Variants in ANKS1B observed in about 807,000 individuals in gnomAD.
ANKS1B encodes the protein ankyrin repeat and sterile alpha motif domain containing 1B, also known as ankyrin repeat and sterile alpha motif domain-containing protein 1B.
A neutral mutation model predicts 148.3 loss-of-function variants in ANKS1B; 36 were observed. The observed-to-expected ratio is 0.24, with a 90% CI of 0.19 to 0.32. The LOEUF is 0.32. Among genes scored for constraint, ANKS1B ranks in the 10% least tolerant of loss-of-function variants. The pLI is 1.00. For synonymous variants in ANKS1B, 542 were observed against 560.8 expected, an observed-to-expected ratio of 0.97 and a Z score of 0.47; for missense variants, 1,157 against 1,542.6, an observed-to-expected ratio of 0.75 and a Z score of 4.19.
chr12:98,898,627 T>C (rs1031515612), intron 17 of ANKS1B, among the ~76,000 whole-genome samples: 5 of 152,200 alleles, frequency 3.3e-5, no homozygotes, highest in African/African-American at 1.2e-4. Flanking sequence ...AGAATCATTC[T>C]TTCTTCAGTA....
At chr12:99,065,750 A>G (rs2044071636) in intron 16 of ANKS1B, among the ~76,000 whole-genome samples, 1 of 152,196 alleles carries the variant, frequency 6.6e-6, no homozygotes, top group Middle Eastern at 3.2e-3. Flanking sequence ...CTATATTCTA[A>G]GCACTGTTCT....
chr12:99,728,735 T>C (rs760282139), intron 8 of ANKS1B, among the ~76,000 whole-genome samples: 4 of 152,148 alleles, frequency 2.6e-5, no homozygotes, highest in South Asian at 2.1e-4. Context: ...CCATCAATGA[T>C]AGACTGGATA....
At chr12:99,418,928 C>T (rs190736408) in intron 11 of ANKS1B, among the ~76,000 whole-genome samples, 10 of 152,206 alleles carry the variant, frequency 6.6e-5, no homozygotes, top group Admixed American at 5.2e-4. Context: ...TGTGGATTTT[C>T]TTCTTTATTG....
chr12:98,986,504 C>G (rs965527839), intron 17 of ANKS1B, among the ~76,000 whole-genome samples: 1 of 152,084 alleles, frequency 6.6e-6, no homozygotes, highest in Non-Finnish European at 1.5e-5. Context: ...AATTCTTCAT[C>G]TCTGATATAT....
At position 99,960,174 on chromosome 12, in the gene ANKS1B, G is replaced by T. The variant is rs116661916; in HGVS notation, c.134+23930C>A. On this transcript the variant is annotated intron_variant, in intron 1 of 26. Transcript: ENST00000683438. ...GTATGTTTAGAAATAATGTTTCAAA[G>T]ACGTAGATTAAAACCACAAGTTCAT... Among the ~76,000 whole-genome samples, 965 of 152,294 alleles carry T rather than the reference G, an allele frequency of 6.3e-3. 10 individuals are homozygous for T. Among genetic ancestry groups the T allele is most frequent in the African/African-American group, 0.022 (924 of 41,562 alleles).
chr12:98,835,263 C>T (rs1004020635), intron 17 of ANKS1B, among the ~76,000 whole-genome samples: 2 of 151,918 alleles, frequency 1.3e-5, no homozygotes, highest in Non-Finnish European at 2.9e-5. Flanking sequence ...GGTTTTCTCA[C>T]ATATAAAGTG....
In ANKS1B at chr12:99,077,724, T is replaced by C. The variant is rs76999722; in HGVS notation, c.2625+7201A>G. ...GAGAATGACTCTGTTCTCTTGAAGA[T>C]GCTAGTTCTTTCAAGGTCCTTAAAA... On this transcript the variant is annotated intron_variant, in intron 16 of 26. Coordinates refer to ENST00000683438, the MANE Select transcript of ANKS1B (RefSeq NM_001352186.2). Among the ~76,000 whole-genome samples the C allele has an allele frequency of 4.1e-3, 620 of 152,318 alleles. 25 individuals are homozygous for C. The East Asian group carries it at 0.085, about 21-fold the overall frequency.
intron 15 of ANKS1B, among the ~76,000 whole-genome samples, chr12:99,147,897 A>G (rs2073699861): frequency 1.3e-5 from 2 of 152,028 alleles, no homozygotes; most frequent in Admixed American, 1.3e-4. Context: ...AAAGAGAGCT[A>G]AGAGAAGAAA....
chr12:98,863,282 A>T (rs1314847349), intron 17 of ANKS1B, among the ~76,000 whole-genome samples: 1 of 152,206 alleles, frequency 6.6e-6, no homozygotes, highest in Non-Finnish European at 1.5e-5. Context: ...AGAACAAAAC[A>T]GTGGGGTTTT....
intron 11 of ANKS1B, among the ~76,000 whole-genome samples, chr12:99,442,538 T>C (rs1316566314): frequency 1.3e-5 from 2 of 151,878 alleles, no homozygotes; most frequent in African/African-American, 2.4e-5. Flanking sequence ...TCCAAATCAG[T>C]TGGACAATGT....
At chr12:99,255,578 G>T (rs150781527) in intron 12 of ANKS1B, among the ~76,000 whole-genome samples, 1 of 151,804 alleles carries the variant, frequency 6.6e-6, no homozygotes, top group African/African-American at 2.4e-5. Flanking sequence ...AGTCTTCAGC[G>T]TTTCTTCTTT....
chr12:99,962,120 G>A (rs890937715), intron 1 of ANKS1B, among the ~76,000 whole-genome samples: 18 of 151,870 alleles, frequency 1.2e-4, no homozygotes, highest in Non-Finnish European at 1.5e-5. Flanking sequence ...TGTGCAGAAC[G>A]TGCAGGTTTG....
intron 17 of ANKS1B, among the ~76,000 whole-genome samples, chr12:99,047,315 G>A (rs1483061620): frequency 1.3e-5 from 2 of 151,986 alleles, no homozygotes; most frequent in Admixed American, 6.5e-5. Flanking sequence ...CAGGAGAATC[G>A]CTTGAACCTG....
intron 10 of ANKS1B, among the ~76,000 whole-genome samples, chr12:99,497,766 G>C (rs1399233257): frequency 2.0e-5 from 3 of 150,440 alleles, no homozygotes; most frequent in Admixed American, 2.0e-4. Flanking sequence ...GGCATAATAT[G>C]GGGGGGACAC....
chr12:99,245,418 C>T (rs1271161239), intron 13 of ANKS1B, among the ~76,000 whole-genome samples: 1 of 152,124 alleles, frequency 6.6e-6, no homozygotes, highest in African/African-American at 2.4e-5. Flanking sequence ...GGCTTAATGA[C>T]TCTCTTGATG....
chr12:98,960,049 G>C (rs1383155932), intron 17 of ANKS1B, among the ~76,000 whole-genome samples: 8 of 152,190 alleles, frequency 5.3e-5, no homozygotes, highest in African/African-American at 1.7e-4. Context: ...CCAGGGTTTG[G>C]GGAATTCACT....
chr12:99,655,273 A>T, intron 8 of ANKS1B, 63 bp from the exon 9 acceptor site: 2 of 1,379,974 alleles, frequency 1.4e-6, no homozygotes, highest in Non-Finnish European at 2.0e-6. Flanking sequence ...TCTTAACATC[A>T]ATTAAATTCT....
intron 1 of ANKS1B, among the ~76,000 whole-genome samples, chr12:99,849,630 G>C (rs1048818251): frequency 2.6e-5 from 4 of 152,006 alleles, no homozygotes; most frequent in Admixed American, 2.0e-4. Flanking sequence ...ATAAACTGTA[G>C]TACATTCACA....
At chr12:99,292,653 G>GA (rs1415238052) in intron 12 of ANKS1B, among the ~76,000 whole-genome samples, 3 of 151,466 alleles carry the variant, frequency 2.0e-5, no homozygotes. Context: ...AAATTTACAA[G>GA]AAAAAAAAGA....
Sources: gnomAD v4.1 joint callset for allele counts (sites outside exome capture counted in the v4.1 genomes callset) on GRCh38, gnomAD v4.1.1 for gene constraint, MANE v1.5 for transcripts, NCBI Gene and HGNC (gene_info 2026-07-23, HGNC 2026-07-21) for gene names.